AGBL4: variants seen among roughly 807,000 people sequenced by gnomAD.
AGBL4 encodes the protein cytosolic carboxypeptidase 6.
In AGBL4, 58 loss-of-function variants were observed where a neutral mutation model predicts 66.4. That is an observed-to-expected ratio of 0.87 (90% CI 0.71 to 1.09). AGBL4 has a LOEUF of 1.09. Ranked by LOEUF, AGBL4 falls within the 50% of genes least tolerant of loss-of-function variation. The pLI, the probability that AGBL4 is intolerant of heterozygous loss-of-function variation, is 0.00. For synonymous variants in AGBL4, 234 were observed against 222.9 expected, an observed-to-expected ratio of 1.05 and a Z score of -0.44; for missense variants, 579 against 631.0, an observed-to-expected ratio of 0.92 and a Z score of 0.88.
chr1:49,683,666 A>T (rs182063405), intron 3 of AGBL4, among the ~76,000 whole-genome samples: 11 of 152,326 alleles, frequency 7.2e-5, no homozygotes, highest in Admixed American at 6.5e-4. Flanking sequence ...AAGAGACTTT[A>T]TCCATATCTA....
chr1:49,927,447 G>C (rs1652890600), intron 1 of AGBL4, among the ~76,000 whole-genome samples: 1 of 152,286 alleles, frequency 6.6e-6, no homozygotes, highest in Non-Finnish European at 1.5e-5. Flanking sequence ...AAGATGGAGT[G>C]AGTACAAGCA....
intron 2 of AGBL4, among the ~76,000 whole-genome samples, chr1:49,771,256 C>T (rs1417268500): frequency 1.3e-5 from 2 of 151,826 alleles, no homozygotes; most frequent in Non-Finnish European, 2.9e-5. Context: ...ATTCATTGGC[C>T]CATTGGTTAT....
intron 3 of AGBL4, among the ~76,000 whole-genome samples, chr1:49,649,728 G>C (rs549568239): frequency 1.3e-5 from 2 of 152,126 alleles, no homozygotes; most frequent in African/African-American, 4.8e-5. Flanking sequence ...AACCAAGATA[G>C]ACCTCATTTG....
chr1:49,528,710 A>T (rs961837178), intron 3 of AGBL4, among the ~76,000 whole-genome samples: 7 of 152,112 alleles, frequency 4.6e-5, no homozygotes, highest in African/African-American at 1.4e-4. Flanking sequence ...ATTGACATTT[A>T]TAAGATGAGT....
At chr1:48,530,500 C>T (rs144264993), downstream of AGBL4, among the ~76,000 whole-genome samples, 3 of 152,244 alleles carry the variant, frequency 2.0e-5, no homozygotes, top group African/African-American at 7.2e-5. Context: ...GATACTAGTT[C>T]TTTCTGTGTT....
Position 48,950,809 on chromosome 1 carries a change from G to A in AGBL4, c.595-83579C>T, listed in dbSNP as rs563459490. ...ATCTTATAATCTGCCCTAGCTTGCT[G>A]TTGCTTTTATATTGCTTTTTCCCAG... On this transcript the variant is annotated intron_variant, in intron 5 of 13. Coordinates refer to ENST00000371839, the MANE Select transcript of AGBL4 (RefSeq NM_032785.4). 6.0e-4 allele frequency among the ~76,000 whole-genome samples: 92 copies of A among 152,156 alleles called. 3 individuals are homozygous for A. In the South Asian group the frequency reaches 0.017, roughly 29 times the overall value.
Position 49,516,073 on chromosome 1 carries a change from C to A in AGBL4, c.282+181240G>T, listed in dbSNP as rs187702503. ...AAAAAGAATCAAGACTGCCCCCCCC[C>A]ACAAAAAAAAATGACTGGCCCAATG... On this transcript the variant is annotated intron_variant, in intron 3 of 13. Coordinates refer to ENST00000371839, the MANE Select transcript of AGBL4 (RefSeq NM_032785.4). 8.5e-3 allele frequency among the ~76,000 whole-genome samples: 1,284 copies of A among 150,682 alleles called. 14 individuals carry two copies. The highest frequency in any genetic ancestry group is 0.015 in the Non-Finnish European group (984 of 67,526).
intron 3 of AGBL4, among the ~76,000 whole-genome samples, chr1:49,432,381 G>T (rs2148658322): frequency 6.6e-6 from 1 of 152,064 alleles, no homozygotes; most frequent in East Asian, 1.9e-4. Flanking sequence ...CCAACTGGTT[G>T]CAGGAATAAA....
intron 2 of AGBL4, among the ~76,000 whole-genome samples, chr1:49,729,125 C>A (rs980623344): frequency 1.4e-4 from 21 of 152,134 alleles, no homozygotes; most frequent in African/African-American, 5.1e-4. Context: ...ATAAAAGTAA[C>A]AGAGGCAATC....
chr1:49,739,481 G>T (rs541635002), intron 2 of AGBL4, among the ~76,000 whole-genome samples: 1 of 152,272 alleles, frequency 6.6e-6, no homozygotes, highest in East Asian at 1.9e-4. Flanking sequence ...AAAACACTCT[G>T]CAGGATATTA....
intron 3 of AGBL4, among the ~76,000 whole-genome samples, chr1:49,247,448 T>C (rs1348210420): frequency 6.6e-6 from 1 of 152,130 alleles, no homozygotes; most frequent in Admixed American, 6.6e-5. Flanking sequence ...TGTCCAAGGC[T>C]GTTCCATTAT....
chr1:49,172,499 A>C (rs1205720649), intron 4 of AGBL4, among the ~76,000 whole-genome samples: 1 of 152,172 alleles, frequency 6.6e-6, no homozygotes, highest in African/African-American at 2.4e-5. Flanking sequence ...TTATGAATTG[A>C]GGTAGTGTCT....
At chr1:48,843,389 G>A (rs1431803765) in intron 6 of AGBL4, among the ~76,000 whole-genome samples, 2 of 151,874 alleles carry the variant, frequency 1.3e-5, no homozygotes, top group Non-Finnish European at 2.9e-5. Context: ...TTAAAATGGA[G>A]GTTTTAAAAT....
intron 6 of AGBL4, among the ~76,000 whole-genome samples, chr1:48,760,525 A>G (rs1167954012): frequency 6.6e-6 from 1 of 152,130 alleles, no homozygotes; most frequent in Non-Finnish European, 1.5e-5. Context: ...ATCTAAAGTG[A>G]TCGTTACAAT....
intron 2 of AGBL4, among the ~76,000 whole-genome samples, chr1:49,725,486 G>T (rs148469826): frequency 6.6e-6 from 1 of 152,030 alleles, no homozygotes; most frequent in South Asian, 2.1e-4. Flanking sequence ...ATCTATGCTG[G>T]GCTGTCCAGC....
At chr1:49,024,883 A>G (rs1169239925) in intron 5 of AGBL4, among the ~76,000 whole-genome samples, 1 of 152,144 alleles carries the variant, frequency 6.6e-6, no homozygotes, top group East Asian at 1.9e-4. Context: ...GACTCTAGAG[A>G]GGTTATTTGA....
At chr1:49,716,756 T>C (rs1337332303) in intron 2 of AGBL4, among the ~76,000 whole-genome samples, 1 of 152,106 alleles carries the variant, frequency 6.6e-6, no homozygotes, top group Non-Finnish European at 1.5e-5. Flanking sequence ...CTCAGTAAAC[T>C]AGGTATTGAT....
intron 3 of AGBL4, among the ~76,000 whole-genome samples, chr1:49,465,140 T>C (rs559835012): frequency 6.6e-6 from 1 of 151,168 alleles, no homozygotes; most frequent in South Asian, 2.1e-4. Flanking sequence ...ATATAATCCC[T>C]ATTCTGTCAT....
At position 49,752,569 on chromosome 1, in the gene AGBL4, G is replaced by A. The variant is rs1032747843; in HGVS notation, c.158-55132C>T. On this transcript the variant is annotated intron_variant, in intron 2 of 13. Coordinates refer to ENST00000371839, the MANE Select transcript of AGBL4 (RefSeq NM_032785.4). ...CTGTTGACTTGGGGTGGAGAGTTCT[G>A]TAGACGTCTATTGGGTCCACCTGGT... 7.2e-5 allele frequency among the ~76,000 whole-genome samples: 11 copies of A among 152,310 alleles called. No homozygotes were observed. In the South Asian group the frequency reaches 2.3e-3, roughly 32 times the overall value.
Sources: allele counts gnomAD v4.1 joint callset (sites outside exome capture counted in the v4.1 genomes callset), GRCh38; gene constraint gnomAD v4.1.1; transcripts MANE v1.5; gene names NCBI Gene and HGNC (gene_info 2026-07-23, HGNC 2026-07-21).